Variants in GLIS1 observed in about 807,000 individuals in gnomAD.
GLIS1 encodes GLIS family zinc finger 1.
In GLIS1, 24 loss-of-function variants were observed where a neutral mutation model predicts 63.8. That is an observed-to-expected ratio of 0.38 (90% CI 0.27 to 0.53). The LOEUF (loss-of-function observed/expected upper bound fraction) is 0.53, where lower values mean the gene tolerates loss of function less well. Ranked by LOEUF, GLIS1 falls within the 20% of genes least tolerant of loss-of-function variation. The probability of loss-of-function intolerance (pLI) is 0.85; values close to 1 mark genes in which losing one functional copy is unlikely to be tolerated. For missense variants in GLIS1, 1,036 were observed against 1,074.1 expected, an observed-to-expected ratio of 0.96 and a Z score of 0.50; for synonymous variants, 450 against 482.5, an observed-to-expected ratio of 0.93 and a Z score of 0.88.
chr1:53,678,326 TGA>T (rs1379870931), intron 2 of GLIS1, among the ~76,000 whole-genome samples: 1,344 of 4,696 alleles, frequency 0.29, 42 homozygotes, highest in East Asian at 0.47. Flanking sequence ...TGCAGGAGGG[TGA>T]GGGGGGGGGG....
intron 2 of GLIS1, among the ~76,000 whole-genome samples, chr1:53,677,607 A>T (rs1207898813): frequency 6.6e-6 from 1 of 152,254 alleles, no homozygotes; most frequent in Non-Finnish European, 1.5e-5. Context: ...CTGGCGATGT[A>T]CAAATAAATT....
chr1:53,645,153 C>T (rs1198582285), intron 2 of GLIS1, among the ~76,000 whole-genome samples: 1 of 152,184 alleles, frequency 6.6e-6, no homozygotes, highest in African/African-American at 2.4e-5. Flanking sequence ...TTGATGTGTG[C>T]GCTCTGCCTA....
At chr1:53,581,671 C>T (rs773615226) in intron 4 of GLIS1, among the ~76,000 whole-genome samples, 3 of 152,136 alleles carry the variant, frequency 2.0e-5, no homozygotes, top group Non-Finnish European at 4.4e-5. Context: ...GAGGAGGTGA[C>T]ATGGGAGCAG....
chr1:53,506,835 C>G, intron 10 of GLIS1, 59 bp from the exon 11 acceptor site: 1 of 1,526,372 alleles, frequency 6.6e-7, no homozygotes, highest in South Asian at 1.2e-5. Flanking sequence ...CCTGCGCATG[C>G]TTCCCAGTTC....
intron 4 of GLIS1, among the ~76,000 whole-genome samples, chr1:53,568,084 A>G (rs1407339628): frequency 6.6e-6 from 1 of 152,216 alleles, no homozygotes; most frequent in Non-Finnish European, 1.5e-5. Context: ...CAGGTACTCA[A>G]CACCAGCTCA....
chr1:53,572,473 G>A (rs908120981), intron 4 of GLIS1, among the ~76,000 whole-genome samples: 4 of 152,198 alleles, frequency 2.6e-5, no homozygotes, highest in Non-Finnish European at 5.9e-5. Context: ...GACACCAGCT[G>A]TCCTCTCTAC....
chr1:53,519,715 G>T (rs1335144571), intron 7 of GLIS1, among the ~76,000 whole-genome samples: 1 of 152,188 alleles, frequency 6.6e-6, no homozygotes. Context: ...CTTAGCATCT[G>T]GTTGGAGGGG....
At chr1:53,644,556 TTCA>T (rs1645821878) in intron 2 of GLIS1, among the ~76,000 whole-genome samples, 1 of 152,118 alleles carries the variant, frequency 6.6e-6, no homozygotes. Flanking sequence ...GGAAGAGTTC[TTCA>T]AAAACAACTG....
chr1:53,622,377 G>A (rs1479354498), intron 2 of GLIS1, among the ~76,000 whole-genome samples: 1 of 143,952 alleles, frequency 6.9e-6, no homozygotes, highest in African/African-American at 2.6e-5. Context: ...GCAGTGAGCC[G>A]AGATCGCACC....
At chr1:53,665,631 A>G (rs1277921604) in intron 2 of GLIS1, among the ~76,000 whole-genome samples, 1 of 152,190 alleles carries the variant, frequency 6.6e-6, no homozygotes, top group East Asian at 1.9e-4. Context: ...CCTGGGCAGC[A>G]TAGCTAGACC....
intron 2 of GLIS1, among the ~76,000 whole-genome samples, chr1:53,615,351 C>T (rs1645470816): frequency 6.6e-6 from 1 of 152,202 alleles, no homozygotes; most frequent in Non-Finnish European, 1.5e-5. Flanking sequence ...TCTCTTCCCT[C>T]CTAGTGCCAT....
At chr1:53,628,103 C>T (rs1645614440) in intron 2 of GLIS1, among the ~76,000 whole-genome samples, 1 of 152,122 alleles carries the variant, frequency 6.6e-6, no homozygotes, top group South Asian at 2.1e-4. Flanking sequence ...GTGACCCATG[C>T]ACTTCTCCAG....
Position 53,635,061 on chromosome 1 carries a change from G to GT in GLIS1, c.260-34784dup, listed in dbSNP as rs149641062. Among the ~76,000 whole-genome samples, 195 of 151,040 alleles carry GT rather than the reference G, an allele frequency of 1.3e-3. 1 individual carries two copies. Among genetic ancestry groups the GT allele is most frequent in the African/African-American group, 4.0e-3 (161 of 40,704 alleles). ...GTCAACAGAGGTTGTCTCTGTTGTT[G>GT]TTTTTTTTTTAATTCTTTTTTCAAG... On this transcript the variant is annotated intron_variant, in intron 2 of 10. Coordinates refer to ENST00000628545, the MANE Select transcript of GLIS1 (RefSeq NM_001367484.1).
chr1:53,584,052 C>T (rs1002708220), intron 4 of GLIS1, among the ~76,000 whole-genome samples: 5 of 152,144 alleles, frequency 3.3e-5, no homozygotes, highest in African/African-American at 7.2e-5. Context: ...GGTCCGAGGC[C>T]GGTGGATCTG....
rs550936021 is a variant in GLIS1 at position 53,610,461 on chromosome 1, G to T, written c.260-10183C>A. On this transcript the variant is annotated intron_variant, in intron 2 of 10. Transcript: ENST00000628545. ...TCTGCTGGGTATAGAATTCTAAGTT[G>T]GCAGTTATCTTCTTTCCATATATTA... Among the ~76,000 whole-genome samples the T allele has an allele frequency of 2.0e-5, 3 of 152,262 alleles. No homozygotes were observed. The South Asian group carries it at 6.2e-4, about 32-fold the overall frequency.
intron 2 of GLIS1, among the ~76,000 whole-genome samples, chr1:53,730,624 A>C (rs1646850205): frequency 6.6e-6 from 1 of 152,208 alleles, no homozygotes; most frequent in Non-Finnish European, 1.5e-5. Context: ...TACGGCAGGC[A>C]GGGCCATCCC....
At chr1:53,612,836 T>C (rs1569918395) in intron 2 of GLIS1, among the ~76,000 whole-genome samples, 1 of 104,312 alleles carries the variant, frequency 9.6e-6, no homozygotes, top group Non-Finnish European at 2.1e-5. Context: ...TTTTTTTTTT[T>C]GAGATGGGGT....
intron 4 of GLIS1, among the ~76,000 whole-genome samples, chr1:53,555,641 C>A (rs574204753): frequency 2.6e-5 from 4 of 152,372 alleles, no homozygotes; most frequent in African/African-American, 7.2e-5. Context: ...GATTACTACA[C>A]ATTACATGCC....
intron 2 of GLIS1, among the ~76,000 whole-genome samples, chr1:53,688,189 G>A (rs1450954640): frequency 3.3e-5 from 5 of 152,248 alleles, no homozygotes; most frequent in South Asian, 2.1e-4. Flanking sequence ...AGACTCATTC[G>A]TTTCTGTTTT....
Sources: gnomAD v4.1 joint callset for allele counts (sites outside exome capture counted in the v4.1 genomes callset) on GRCh38, gnomAD v4.1.1 for gene constraint, MANE v1.5 for transcripts, NCBI Gene and HGNC (gene_info 2026-07-23, HGNC 2026-07-21) for gene names.